The following MAN1A2 variants were observed in gnomAD, a reference collection of about 807,000 sequenced individuals.
The protein encoded by MAN1A2 is mannosyl-oligosaccharide 1,2-alpha-mannosidase IB.
A neutral mutation model predicts 75.7 loss-of-function variants in MAN1A2; 26 were observed. That is an observed-to-expected ratio of 0.34 (90% CI 0.25 to 0.48). MAN1A2 has a LOEUF of 0.48. MAN1A2 is among the 20% of genes least tolerant of loss of function. The probability of loss-of-function intolerance (pLI) is 0.99; values close to 1 mark genes in which losing one functional copy is unlikely to be tolerated. For missense variants in MAN1A2, 562 were observed against 775.5 expected, an observed-to-expected ratio of 0.72 and a Z score of 3.27; for synonymous variants, 247 against 264.6, an observed-to-expected ratio of 0.93 and a Z score of 0.65.
intron 1 of MAN1A2, among the ~76,000 whole-genome samples, chr1:117,395,753 G>C (rs926123029): frequency 3.9e-5 from 6 of 152,168 alleles, no homozygotes; most frequent in Non-Finnish European, 8.8e-5. Flanking sequence ...AAGGTACTCA[G>C]CCAAACTGCA....
At chr1:117,454,378 C>T (rs1399048350) in intron 6 of MAN1A2, among the ~76,000 whole-genome samples, 1 of 152,016 alleles carries the variant, frequency 6.6e-6, no homozygotes, top group Non-Finnish European at 1.5e-5. Flanking sequence ...GTTAAACAGC[C>T]AGAGAAGAAA....
intron 6 of MAN1A2, among the ~76,000 whole-genome samples, chr1:117,447,890 T>C (rs1416783880): frequency 6.6e-6 from 1 of 152,220 alleles, no homozygotes; most frequent in Non-Finnish European, 1.5e-5. Flanking sequence ...TGCTTAGGAA[T>C]GTCCTGGCTA....
chr1:117,390,281 G>T (rs1186436095), intron 1 of MAN1A2, among the ~76,000 whole-genome samples: 2 of 151,478 alleles, frequency 1.3e-5, no homozygotes, highest in African/African-American at 2.4e-5. Context: ...TTTGTGGAGA[G>T]GTTTTAACTA....
chr1:117,382,913 G>A (rs1653399890), intron 1 of MAN1A2, among the ~76,000 whole-genome samples: 1 of 152,108 alleles, frequency 6.6e-6, no homozygotes, highest in Admixed American at 6.6e-5. Context: ...TGACTTATTA[G>A]CTCTATTAAT....
chr1:117,435,481 T>C (rs540020693), intron 5 of MAN1A2, among the ~76,000 whole-genome samples: 5 of 152,290 alleles, frequency 3.3e-5, no homozygotes, highest in South Asian at 2.1e-4. Context: ...GCAGAAGCCA[T>C]GTTGGAATAG....
At chr1:117,377,909 G>A (rs1421858905) in intron 1 of MAN1A2, among the ~76,000 whole-genome samples, 1 of 152,080 alleles carries the variant, frequency 6.6e-6, no homozygotes, top group South Asian at 2.1e-4. Context: ...GACCATCCTG[G>A]CTAACACGCT....
At position 117,405,587 on chromosome 1, in the gene MAN1A2, G is replaced by A. The variant is rs774937514; in HGVS notation, c.597G>A (p.Gly199=). 1.1e-5 allele frequency: 17 copies of A among 1,608,698 alleles called. No individual in the cohort carries two copies. In the Admixed American group the frequency reaches 2.7e-4, roughly 25 times the overall value. The change falls in exon 3 of 13, where the codon GGG becomes GGA. Residue 199 remains glycine (G), a synonymous_variant. Transcript: ENST00000356554. Reference sequence around the variant, plus strand: ...CTTGGGATAACTATAGGACATATGGGTGGGGACATAATGAACTCAGACCTA... The same window carrying A: ...CTTGGGATAACTATAGGACATATGGATGGGGACATAATGAACTCAGACCTA... ...KHAWDNYRTY[G]WGHNELRPIA...
intron 6 of MAN1A2, among the ~76,000 whole-genome samples, chr1:117,449,558 C>CAA (rs34612489): frequency 0.012 from 1,319 of 106,574 alleles, 14 homozygotes; most frequent in African/African-American, 0.033. Flanking sequence ...GACCCTGTCT[C>CAA]AAAAAAAAAA....
chr1:117,381,656 G>A (rs1278453015), intron 1 of MAN1A2, among the ~76,000 whole-genome samples: 5 of 152,254 alleles, frequency 3.3e-5, no homozygotes, highest in African/African-American at 1.2e-4. Context: ...ATGTGTGCAT[G>A]TGTCTTTATA....
intron 1 of MAN1A2, among the ~76,000 whole-genome samples, chr1:117,396,829 G>A (rs1653917013): frequency 6.6e-6 from 1 of 152,056 alleles, no homozygotes; most frequent in African/African-American, 2.4e-5. Flanking sequence ...TCCAAGGTAA[G>A]TACAAGGAAG....
intron 8 of MAN1A2, among the ~76,000 whole-genome samples, chr1:117,470,560 A>G (rs1650117515): frequency 6.6e-6 from 1 of 152,038 alleles, no homozygotes; most frequent in Non-Finnish European, 1.5e-5. Flanking sequence ...ATAAATTCAA[A>G]TTACTTTATA....
rs572973275 is a variant in MAN1A2, at chr1:117,433,416, C to T, written c.856-8815C>T. Among the ~76,000 whole-genome samples the T allele has an allele frequency of 7.9e-5, 12 of 152,172 alleles. No homozygotes were observed. In the South Asian group the frequency reaches 1.7e-3, roughly 21 times the overall value. ...TTTTCATTCTGATAAGGGACACCTACGAAAACTCTACAGCAAACTATATGT... is the reference window on the plus strand; with the variant it reads ...TTTTCATTCTGATAAGGGACACCTATGAAAACTCTACAGCAAACTATATGT... On this transcript the variant is annotated intron_variant, in intron 5 of 12. Coordinates refer to ENST00000356554, the MANE Select transcript of MAN1A2 (RefSeq NM_006699.5).
intron 12 of MAN1A2, among the ~76,000 whole-genome samples, chr1:117,521,445 CA>C (rs1651868136): frequency 6.6e-6 from 1 of 151,810 alleles, no homozygotes; most frequent in Non-Finnish European, 1.5e-5. Context: ...CACTAATGAT[CA>C]GGGAAATGTA....
chr1:117,494,938 T>C (rs1430997874), intron 9 of MAN1A2: 1 of 151,426 alleles, frequency 6.6e-6, no homozygotes, highest in Non-Finnish European at 1.5e-5. Flanking sequence ...AATGCATGAA[T>C]ATATTTAATA....
intron 8 of MAN1A2, among the ~76,000 whole-genome samples, chr1:117,470,246 C>A (rs1237909205): frequency 6.6e-6 from 1 of 152,022 alleles, no homozygotes; most frequent in Non-Finnish European, 1.5e-5. Flanking sequence ...CCACTTATAT[C>A]AAATATCTAG....
At chr1:117,399,421 C>T (rs1647334617) in intron 1 of MAN1A2, among the ~76,000 whole-genome samples, 1 of 152,190 alleles carries the variant, frequency 6.6e-6, no homozygotes, top group Non-Finnish European at 1.5e-5. Flanking sequence ...GAAAATTACC[C>T]TTGAAAGAGC....
At chr1:117,429,448 T>C (rs1570736226) in intron 5 of MAN1A2, among the ~76,000 whole-genome samples, 1 of 103,466 alleles carries the variant, frequency 9.7e-6, no homozygotes, top group Non-Finnish European at 2.0e-5. Context: ...CCCCCCCACC[T>C]CCCTCCCGGA....
chr1:117,514,005 C>T lies in MAN1A2; in HGVS notation c.1794-8820C>T, dbSNP rs138622565. Among the ~76,000 whole-genome samples, 1,186 of 152,218 alleles carry T rather than the reference C, an allele frequency of 7.8e-3. 7 individuals are homozygous for T. Among genetic ancestry groups the T allele is most frequent in the African/African-American group, 0.027 (1,130 of 41,550 alleles). On this transcript the variant is annotated intron_variant, in intron 12 of 12. Coordinates refer to ENST00000356554, the MANE Select transcript of MAN1A2 (RefSeq NM_006699.5). ...ACTTGATACCAATTTGTGATACCAG[C>T]TTACCTCTAGGAGGTAAGTATATGT...
chr1:117,474,544 G>A (rs1650258304), intron 8 of MAN1A2, among the ~76,000 whole-genome samples: 1 of 150,956 alleles, frequency 6.6e-6, no homozygotes, highest in African/African-American at 2.5e-5. Flanking sequence ...AGTAAAAATA[G>A]TATTTATATA....
Sources: gnomAD v4.1 joint callset for allele counts (sites outside exome capture counted in the v4.1 genomes callset) on GRCh38, gnomAD v4.1.1 for gene constraint, MANE v1.5 for transcripts, NCBI Gene and HGNC (gene_info 2026-07-23, HGNC 2026-07-21) for gene names.